Variants in MAPK8 observed in about 807,000 individuals in gnomAD.
The protein encoded by MAPK8 is JUN N-terminal kinase.
In MAPK8, 13 loss-of-function variants were observed where a neutral mutation model predicts 52.9. The observed-to-expected ratio is 0.25, with a 90% confidence interval of 0.16 to 0.39. The LOEUF (loss-of-function observed/expected upper bound fraction) is 0.39, where lower values mean the gene tolerates loss of function less well. Among genes scored for constraint, MAPK8 ranks in the 10% least tolerant of loss-of-function variants. MAPK8 has a pLI of 1.00. For synonymous variants in MAPK8, 191 were observed against 169.8 expected, an observed-to-expected ratio of 1.12 and a Z score of -0.97; for missense variants, 300 against 519.2, an observed-to-expected ratio of 0.58 and a Z score of 4.10.
intron 2 of MAPK8, among the ~76,000 whole-genome samples, chr10:48,402,100 T>C (rs1394601444): frequency 6.6e-6 from 1 of 152,194 alleles, no homozygotes; most frequent in African/African-American, 2.4e-5. Context: ...TTGAGCATCA[T>C]GTCAGTGCCC....
chr10:48,322,619 T>TA (rs1843109496), intron 1 of MAPK8, among the ~76,000 whole-genome samples: 1 of 151,520 alleles, frequency 6.6e-6, no homozygotes, highest in African/African-American at 2.4e-5. Context: ...CCAGGGATGT[T>TA]ATCAGCCCCA....
chr10:48,382,794 TATATATA>T (rs896443007), intron 1 of MAPK8, among the ~76,000 whole-genome samples: 7 of 147,248 alleles, frequency 4.8e-5, no homozygotes, highest in Non-Finnish European at 7.5e-5. Context: ...TATATATACT[TATATATA>T]ATATATATTA....
intron 1 of MAPK8, among the ~76,000 whole-genome samples, chr10:48,338,701 G>A (rs549908904): frequency 1.4e-3 from 212 of 152,152 alleles, no homozygotes; most frequent in Admixed American, 2.6e-3. Context: ...AAAGACTCCT[G>A]GACCTGAGAA....
At chr10:48,319,939 A>G (rs1296379179) in intron 1 of MAPK8, among the ~76,000 whole-genome samples, 19 of 147,248 alleles carry the variant, frequency 1.3e-4, no homozygotes, top group Admixed American at 1.3e-3. Context: ...TTTTTGAGAC[A>G]GAGTTTCACC....
chr10:48,430,345 C>G (rs545773240), intron 10 of MAPK8: 1 of 152,226 alleles, frequency 6.6e-6, no homozygotes, highest in African/African-American at 2.4e-5. Context: ...CCACCCACCT[C>G]GGCCTCCCAA....
At chr10:48,403,917 T>TTTTG (rs1554830229) in intron 2 of MAPK8, among the ~76,000 whole-genome samples, 5 of 125,672 alleles carry the variant, frequency 4.0e-5, no homozygotes, top group African/African-American at 1.3e-4. Flanking sequence ...CCCGGCTAAT[T>TTTTG]TGTGTGTGTG....
intron 1 of MAPK8, among the ~76,000 whole-genome samples, chr10:48,338,889 G>A (rs1844961009): frequency 6.6e-6 from 1 of 151,830 alleles, no homozygotes; most frequent in Admixed American, 6.6e-5. Flanking sequence ...GGAAGGGAAA[G>A]ATCTCTACAA....
At chr10:48,329,516 T>A (rs10857556) in intron 1 of MAPK8, among the ~76,000 whole-genome samples, 7,473 of 151,522 alleles carry the variant, frequency 0.049, 598 homozygotes, top group African/African-American at 0.17. Flanking sequence ...TCCTTTTTTT[T>A]TAAAAAAAAA....
chr10:48,338,844 A>C (rs1844956656), intron 1 of MAPK8, among the ~76,000 whole-genome samples: 1 of 151,858 alleles, frequency 6.6e-6, no homozygotes, highest in Admixed American at 6.6e-5. Context: ...CACACACACC[A>C]CACACACACA....
intron 1 of MAPK8, among the ~76,000 whole-genome samples, chr10:48,368,962 C>T (rs1848311065): frequency 6.6e-6 from 1 of 152,154 alleles, no homozygotes; most frequent in African/African-American, 2.4e-5. Context: ...ACTTTCAAGT[C>T]CTCTGGAGAG....
chr10:48,337,236 C>T (rs925211071), intron 1 of MAPK8, among the ~76,000 whole-genome samples: 1 of 152,000 alleles, frequency 6.6e-6, no homozygotes, highest in South Asian at 2.1e-4. Context: ...TCAATAAATT[C>T]AAAAAAGCAG....
At chr10:48,375,232 A>C (rs984719301) in intron 1 of MAPK8, among the ~76,000 whole-genome samples, 1 of 152,228 alleles carries the variant, frequency 6.6e-6, no homozygotes, top group African/African-American at 2.4e-5. Flanking sequence ...TATTGATGGA[A>C]CATATCTCAA....
At chr10:48,398,032 A>G (rs904009528) in intron 1 of MAPK8, among the ~76,000 whole-genome samples, 2 of 152,210 alleles carry the variant, frequency 1.3e-5, no homozygotes, top group African/African-American at 2.4e-5. Flanking sequence ...ATAGTTTTAT[A>G]CCAGTGTTAG....
intron 1 of MAPK8, among the ~76,000 whole-genome samples, chr10:48,364,468 T>C (rs1036487860): frequency 6.6e-6 from 1 of 152,114 alleles, no homozygotes; most frequent in African/African-American, 2.4e-5. Flanking sequence ...TTTAGAAATA[T>C]TTTATGCTTA....
At chr10:48,333,229 T>C (rs1293727535) in intron 1 of MAPK8, among the ~76,000 whole-genome samples, 2 of 152,248 alleles carry the variant, frequency 1.3e-5, no homozygotes, top group African/African-American at 4.8e-5. Context: ...AAGTCATCTT[T>C]TTCTAGTAAT....
intron 1 of MAPK8, among the ~76,000 whole-genome samples, chr10:48,332,161 A>G (rs1250682568): frequency 6.6e-6 from 1 of 152,156 alleles, no homozygotes; most frequent in Non-Finnish European, 1.5e-5. Context: ...TGGAAGGGGA[A>G]AGGCTTCCAC....
At chr10:48,427,243 C>T (rs1736910448) in intron 10 of MAPK8, 100 bp downstream of exon 10, 2 of 738,612 alleles carry the variant, frequency 2.7e-6, no homozygotes, top group Admixed American at 2.3e-5. Flanking sequence ...CTTTAATATG[C>T]ATAACCGAAA....
At chr10:48,356,979 G>T (rs1279995673) in intron 1 of MAPK8, among the ~76,000 whole-genome samples, 1 of 149,114 alleles carries the variant, frequency 6.7e-6, no homozygotes, top group Admixed American at 6.7e-5. Context: ...TACTAATATA[G>T]GTTTTAAAGG....
At chr10:48,434,767 A>G in intron 11 of MAPK8, 117 bp from the exon 12 acceptor site, 1 of 761,526 alleles carries the variant, frequency 1.3e-6, no homozygotes, top group Non-Finnish European at 2.0e-6. Context: ...GATTATTTTT[A>G]GTGAGCCTTC....
Sources: allele counts gnomAD v4.1 joint callset (sites outside exome capture counted in the v4.1 genomes callset), GRCh38; gene constraint gnomAD v4.1.1; transcripts MANE v1.5; gene names NCBI Gene and HGNC (gene_info 2026-07-23, HGNC 2026-07-21).